Variants in ITIH5 observed in about 807,000 individuals in gnomAD.
ITIH5 encodes inter-alpha-trypsin inhibitor heavy chain 5.
In ITIH5, 65 loss-of-function variants were observed where a neutral mutation model predicts 77.5. The observed-to-expected ratio is 0.84, with a 90% CI of 0.69 to 1.03. The LOEUF (loss-of-function observed/expected upper bound fraction) is 1.03, where lower values mean the gene tolerates loss of function less well. Ranked by LOEUF, ITIH5 falls within the 50% of genes least tolerant of loss-of-function variation. The pLI, the probability that ITIH5 is intolerant of heterozygous loss-of-function variation, is 0.00. For missense variants in ITIH5, 1,208 were observed against 1,213.1 expected (o/e 1.00, Z 0.06); for synonymous variants, 525 against 494.3 (o/e 1.06, Z -0.82).
At chr10:7,582,627 C>T (rs913731354) in intron 8 of ITIH5, among the ~76,000 whole-genome samples, 5 of 152,124 alleles carry the variant, frequency 3.3e-5, no homozygotes, top group Admixed American at 3.3e-4. Context: ...ATTTGTGGTA[C>T]ATATATACCA....
chr10:7,563,475 T>A, intron 13 of ITIH5, 91 bp from the exon 14 acceptor site: 1 of 1,199,466 alleles, frequency 8.3e-7, no homozygotes, highest in Non-Finnish European at 1.2e-6. Context: ...GCAGAAAGGC[T>A]TACAACTGGC....
In ITIH5 at chr10:7,563,087, A is replaced by G; in HGVS notation, c.2825T>C (p.Leu942Pro). The change falls in exon 14 of 14, where the codon CTC becomes CCC. Residue 942 changes from leucine (L) to proline (P), a missense_variant. Leu to Pro is a moderately conservative substitution (Grantham distance 98). Transcript: ENST00000397146. ...MTLGRGMSRE[L>P] ...GCATCTTTAAGGCTGCCAGCTTCAG[A>G]GCTCCCTGGACATTCCCCGGCCAAG... is the stretch of plus-strand genomic sequence containing the variant. 1 of 1,612,852 alleles carries G rather than the reference A, an allele frequency of 6.2e-7. No individual in the cohort carries two copies.
intron 7 of ITIH5, among the ~76,000 whole-genome samples, chr10:7,592,688 G>A (rs1383171611): frequency 6.6e-6 from 1 of 152,026 alleles, no homozygotes; most frequent in Non-Finnish European, 1.5e-5. Context: ...TCAATAACTC[G>A]GAGAACTGCA....
chr10:7,597,921 C>T (rs1418919519), intron 7 of ITIH5, among the ~76,000 whole-genome samples: 1 of 151,276 alleles, frequency 6.6e-6, no homozygotes. Flanking sequence ...TTTTTTTAAT[C>T]CCCAGTCTTA....
At chr10:7,634,944 T>C (rs116312767) in intron 5 of ITIH5, among the ~76,000 whole-genome samples, 1,536 of 152,268 alleles carry the variant, frequency 0.01, 25 homozygotes, top group African/African-American at 0.036. Context: ...GTTATTTGTG[T>C]TTGCTTTTCT....
At chr10:7,572,203 T>A in intron 11 of ITIH5, 1 of 1,225,258 alleles carries the variant, frequency 8.2e-7, no homozygotes, top group South Asian at 1.5e-5. Context: ...TGTCCCTGGC[T>A]TTAGGAACTT....
chr10:7,596,709 A>G (rs913241551), intron 7 of ITIH5, among the ~76,000 whole-genome samples: 8 of 152,112 alleles, frequency 5.3e-5, no homozygotes, highest in African/African-American at 1.9e-4. Flanking sequence ...GTTCTTTTGA[A>G]TGAGCCTAAG....
At chr10:7,577,416 T>G (rs1157330057) in intron 9 of ITIH5, among the ~76,000 whole-genome samples, 3 of 152,226 alleles carry the variant, frequency 2.0e-5, no homozygotes, top group Admixed American at 1.3e-4. Flanking sequence ...TTAAGCCCAG[T>G]CAATCCCCAG....
intron 5 of ITIH5, among the ~76,000 whole-genome samples, chr10:7,623,019 C>T (rs1352095088): frequency 6.6e-6 from 1 of 152,174 alleles, no homozygotes; most frequent in African/African-American, 2.4e-5. Context: ...GGAGGTTGGT[C>T]GCAAACATAC....
At chr10:7,582,224 T>C (rs528724486) in intron 8 of ITIH5, among the ~76,000 whole-genome samples, 1 of 152,264 alleles carries the variant, frequency 6.6e-6, no homozygotes, top group East Asian at 1.9e-4. Context: ...TCAGACAATT[T>C]AAGTTTGGGA....
In ITIH5 at chr10:7,569,706, C is replaced by T. The variant is rs556191576; in HGVS notation, c.2111G>A (p.Gly704Glu). 2.5e-6 allele frequency: 4 copies of T among 1,612,684 alleles called. No individual in the cohort carries two copies. Among genetic ancestry groups the T allele is most frequent in the Non-Finnish European group, 3.4e-6 (4 of 1,179,440 alleles). Reference protein sequence around the residue: ...TVCFNIDGQPGDILRLVSDHR... With the variant: ...TVCFNIDGQPEDILRLVSDHR... ...ATCAGAGACCAGCCTGAGGATGTCC[C>T]CGGGCTGCCCATCAATGTTGAAGCA... Residue 704 changes from glycine to glutamate, a missense_variant, in exon 12 of 14, where the codon GGG (glycine) becomes GAG (glutamate). Coordinates refer to ENST00000397146, the MANE Select transcript of ITIH5 (RefSeq NM_030569.7).
At chr10:7,595,417 C>T (rs2130994976) in intron 7 of ITIH5, among the ~76,000 whole-genome samples, 1 of 152,144 alleles carries the variant, frequency 6.6e-6, no homozygotes, top group South Asian at 2.1e-4. Flanking sequence ...TCCTTCTAAC[C>T]CTAGTTATCT....
intron 5 of ITIH5, among the ~76,000 whole-genome samples, chr10:7,632,197 C>T (rs1833724341): frequency 1.3e-5 from 2 of 152,126 alleles, no homozygotes; most frequent in African/African-American, 4.8e-5. Flanking sequence ...TAGATCTCAA[C>T]CTTTACTGAG....
intron 5 of ITIH5, chr10:7,618,882 A>T (rs1396841174): frequency 6.6e-6 from 1 of 152,258 alleles, no homozygotes; most frequent in Non-Finnish European, 1.5e-5. Flanking sequence ...TTTCAGAGAC[A>T]ATTTAGGTGT....
chr10:7,580,505 C>T (rs758714071), intron 8 of ITIH5, among the ~76,000 whole-genome samples: 17 of 152,194 alleles, frequency 1.1e-4, no homozygotes, highest in Non-Finnish European at 1.8e-4. Context: ...CAGAAACTTG[C>T]TAAAAGCAAG....
intron 7 of ITIH5, among the ~76,000 whole-genome samples, chr10:7,594,857 T>A (rs962830265): frequency 1.3e-5 from 2 of 152,076 alleles, no homozygotes; most frequent in African/African-American, 4.8e-5. Flanking sequence ...CCCCTGTGCC[T>A]AGGGGATAAA....
At chr10:7,662,231 C>T (rs1834288118) in intron 1 of ITIH5, among the ~76,000 whole-genome samples, 1 of 151,970 alleles carries the variant, frequency 6.6e-6, no homozygotes, top group Non-Finnish European at 1.5e-5. Context: ...GTGGTGTGTG[C>T]CTGTAGTCCC....
At chr10:7,650,151 T>C (rs7074758) in intron 2 of ITIH5, among the ~76,000 whole-genome samples, 121,064 of 152,202 alleles carry the variant, frequency 0.8, 48,475 homozygotes, top group African/African-American at 0.89. Flanking sequence ...CACCCGAGGA[T>C]GTCCTGAGTC....
intron 7 of ITIH5, among the ~76,000 whole-genome samples, chr10:7,605,325 G>A (rs765376366): frequency 1.3e-4 from 19 of 150,732 alleles, no homozygotes; most frequent in Non-Finnish European, 2.4e-4. Flanking sequence ...ACCCAACTAC[G>A]CCCTCCTCTG....
Sources: allele counts gnomAD v4.1 joint callset (sites outside exome capture counted in the v4.1 genomes callset), GRCh38; gene constraint gnomAD v4.1.1; transcripts MANE v1.5; gene names NCBI Gene and HGNC (gene_info 2026-07-23, HGNC 2026-07-21).